Variants in EYS observed in about 807,000 individuals in gnomAD.
EYS encodes the protein protein eyes shut homolog.
EYS carries 250 observed loss-of-function variants against 282.1 expected under a neutral mutation model. That is an observed-to-expected ratio of 0.89 (90% CI 0.80 to 0.98). The LOEUF (loss-of-function observed/expected upper bound fraction) is 0.98. EYS is among the 50% of genes least tolerant of loss of function. EYS has a pLI of 0.00. For missense variants in EYS, 4,016 were observed against 3,709.0 expected (o/e 1.08, Z -2.15); for synonymous variants, 1,355 against 1,282.9 (o/e 1.06, Z -1.20).
At chr6:64,810,479 C>T (rs1178572678) in intron 22 of EYS, among the ~76,000 whole-genome samples, 1 of 152,000 alleles carries the variant, frequency 6.6e-6, no homozygotes, top group Non-Finnish European at 1.5e-5. Context: ...TACACTTCAC[C>T]AAGTTAAAAT....
chr6:64,332,423 C>T (rs1770681940), intron 29 of EYS, among the ~76,000 whole-genome samples: 1 of 152,174 alleles, frequency 6.6e-6, no homozygotes, highest in African/African-American at 2.4e-5. Context: ...CCCTTCCAAC[C>T]TGGAGACTCT....
intron 26 of EYS, among the ~76,000 whole-genome samples, chr6:64,448,792 G>A (rs1775212614): frequency 6.6e-6 from 1 of 152,092 alleles, no homozygotes; most frequent in South Asian, 2.1e-4. Flanking sequence ...TGCAGCTGAG[G>A]GTCCTCACTG....
chr6:64,083,514 T>C (rs1474771118), intron 31 of EYS, among the ~76,000 whole-genome samples: 1 of 152,128 alleles, frequency 6.6e-6, no homozygotes. Context: ...TTCTGACCCT[T>C]CCAGCTTTGA....
intron 22 of EYS, among the ~76,000 whole-genome samples, chr6:64,784,251 C>A (rs770120179): frequency 5.0e-4 from 76 of 151,722 alleles, no homozygotes; most frequent in South Asian, 3.5e-3. Flanking sequence ...TTCCTTCCTT[C>A]TACTATCTTT....
intron 12 of EYS, among the ~76,000 whole-genome samples, chr6:65,163,507 T>C (rs1214217354): frequency 6.6e-6 from 1 of 151,220 alleles, no homozygotes; most frequent in African/African-American, 2.4e-5. Context: ...AGAAGGACAT[T>C]CTGGGCCAGT....
intron 23 of EYS, among the ~76,000 whole-genome samples, chr6:64,625,533 G>A (rs1346535282): frequency 1.3e-5 from 2 of 152,112 alleles, no homozygotes; most frequent in Non-Finnish European, 2.9e-5. Context: ...TAGCTCTCTA[G>A]GGTCTACTTT....
At chr6:63,925,770 A>C (rs1581984215) in intron 35 of EYS, among the ~76,000 whole-genome samples, 1 of 152,230 alleles carries the variant, frequency 6.6e-6, no homozygotes, top group East Asian at 1.9e-4. Flanking sequence ...CAGCCTCCCG[A>C]GTAGTTGGGA....
chr6:64,139,967 CAATAAATA>C (rs68103337), intron 31 of EYS, among the ~76,000 whole-genome samples: 4,893 of 143,694 alleles, frequency 0.034, 118 homozygotes, highest in African/African-American at 0.059. Flanking sequence ...GATTCTGTCT[CAATAAATA>C]AATAAATAAA....
chr6:64,552,569 T>C (rs568563390), intron 26 of EYS, among the ~76,000 whole-genome samples: 1 of 152,280 alleles, frequency 6.6e-6, no homozygotes, highest in Admixed American at 6.5e-5. Flanking sequence ...CAGTCCCTTC[T>C]GTTGATTCCT....
At chr6:64,898,776 A>T (rs1299882080) in intron 18 of EYS, among the ~76,000 whole-genome samples, 1 of 151,084 alleles carries the variant, frequency 6.6e-6, no homozygotes, top group African/African-American at 2.4e-5. Flanking sequence ...AACAAATGGA[A>T]ATCAAAAATA....
At chr6:63,939,480 G>T (rs1012145587) in intron 35 of EYS, among the ~76,000 whole-genome samples, 2 of 152,098 alleles carry the variant, frequency 1.3e-5, no homozygotes, top group Non-Finnish European at 2.9e-5. Context: ...TTCTTTCTGG[G>T]TTTAGGAGTT....
chr6:65,063,692 C>A (rs150170084), intron 12 of EYS, among the ~76,000 whole-genome samples: 1 of 152,026 alleles, frequency 6.6e-6, no homozygotes. Flanking sequence ...AGTTTTCATT[C>A]AGAGTAACTT....
chr6:64,949,516 C>T (rs767672156), intron 14 of EYS, among the ~76,000 whole-genome samples: 1 of 151,914 alleles, frequency 6.6e-6, no homozygotes, highest in African/African-American at 2.4e-5. Flanking sequence ...AGAATCTCTG[C>T]TGTTACCTCT....
intron 7 of EYS, among the ~76,000 whole-genome samples, chr6:65,390,757 C>G (rs373567108): frequency 6.6e-6 from 1 of 151,534 alleles, no homozygotes; most frequent in Non-Finnish European, 1.5e-5. Flanking sequence ...AGGTGAATAG[C>G]CCCAGCTACT....
At chr6:64,072,554 AG>A (rs1771621753) in intron 32 of EYS, among the ~76,000 whole-genome samples, 1 of 151,824 alleles carries the variant, frequency 6.6e-6, no homozygotes, top group Non-Finnish European at 1.5e-5. Context: ...GAGCATATTT[AG>A]AAACACAAAA....
chr6:63,926,337 T>C (rs1282564083), intron 35 of EYS, among the ~76,000 whole-genome samples: 1 of 152,228 alleles, frequency 6.6e-6, no homozygotes, highest in Non-Finnish European at 1.5e-5. Context: ...TTAGCTATAA[T>C]GGTCTAGCAG....
intron 29 of EYS, among the ~76,000 whole-genome samples, chr6:64,313,858 C>A (rs906992329): frequency 1.3e-5 from 2 of 152,080 alleles, no homozygotes; most frequent in Non-Finnish European, 2.9e-5. Context: ...ACAAGAGCTC[C>A]TGAAGGAAGC....
intron 35 of EYS, among the ~76,000 whole-genome samples, chr6:63,876,376 A>C (rs1249690194): frequency 6.6e-6 from 1 of 152,192 alleles, no homozygotes; most frequent in Non-Finnish European, 1.5e-5. Context: ...TTTGCTGAGG[A>C]GTGCTTTACT....
At chr6:65,605,316 A>G (rs571405245) in intron 2 of EYS, among the ~76,000 whole-genome samples, 1 of 146,632 alleles carries the variant, frequency 6.8e-6, no homozygotes, top group East Asian at 2.0e-4. Flanking sequence ...ATAATGCATA[A>G]CTTCATTGTC....
Sources: allele counts gnomAD v4.1 joint callset (sites outside exome capture counted in the v4.1 genomes callset), GRCh38; gene constraint gnomAD v4.1.1; transcripts MANE v1.5; gene names NCBI Gene and HGNC (gene_info 2026-07-23, HGNC 2026-07-21).